The following PLCB1 variants were observed in gnomAD, a reference collection of about 807,000 sequenced individuals.
PLCB1 encodes phospholipase C beta 1, also known as 1-phosphatidylinositol 4,5-bisphosphate phosphodiesterase beta-1.
PLCB1 carries 46 observed loss-of-function variants against 161.8 expected under a neutral mutation model. That is an observed-to-expected ratio of 0.28 (90% confidence interval 0.22 to 0.36). The LOEUF (loss-of-function observed/expected upper bound fraction) is 0.36, where lower values mean the gene tolerates loss of function less well. Among genes scored for constraint, PLCB1 ranks in the 10% least tolerant of loss-of-function variants. The pLI is 1.00. For missense variants in PLCB1, 1,016 were observed against 1,472.5 expected (o/e 0.69, Z 5.07); for synonymous variants, 517 against 503.7 (o/e 1.03, Z -0.35).
At chr20:8,393,751 T>A (rs1987679546) in intron 3 of PLCB1, among the ~76,000 whole-genome samples, 1 of 152,064 alleles carries the variant, frequency 6.6e-6, no homozygotes, top group African/African-American at 2.4e-5. Context: ...TAACTATGGG[T>A]CTCTTGGTCA....
At chr20:8,586,353 A>G (rs1232604820) in intron 3 of PLCB1, among the ~76,000 whole-genome samples, 1 of 123,252 alleles carries the variant, frequency 8.1e-6, no homozygotes, top group Non-Finnish European at 1.6e-5. Flanking sequence ...TTTATTTATT[A>G]TGGTTTTTTT....
chr20:8,637,685 C>T (rs1458838890), intron 4 of PLCB1, among the ~76,000 whole-genome samples: 1 of 152,130 alleles, frequency 6.6e-6, no homozygotes, highest in African/African-American at 2.4e-5. Flanking sequence ...TAGGAATGTT[C>T]CCTTCGGAAA....
intron 3 of PLCB1, among the ~76,000 whole-genome samples, chr20:8,484,144 G>A (rs1179747770): frequency 6.6e-6 from 1 of 152,172 alleles, no homozygotes; most frequent in African/African-American, 2.4e-5. Flanking sequence ...TTCTGCCTCA[G>A]CCTCCCGAGT....
chr20:8,585,225 G>A (rs900255844), intron 3 of PLCB1, among the ~76,000 whole-genome samples: 1 of 152,118 alleles, frequency 6.6e-6, no homozygotes, highest in Non-Finnish European at 1.5e-5. Flanking sequence ...TGCTGAACTA[G>A]GTCTTTTCAG....
intron 24 of PLCB1, among the ~76,000 whole-genome samples, chr20:8,757,822 A>T (rs541907830): frequency 6.6e-6 from 1 of 152,082 alleles, no homozygotes; most frequent in East Asian, 1.9e-4. Flanking sequence ...CCTATATTAC[A>T]GCCAAAGCCA....
rs145047916 is a variant in PLCB1, at chr20:8,657,135, C to A, written c.595-49C>A. On this transcript the variant is annotated intron_variant, in intron 7 of 31. Transcript: ENST00000338037. ...AGAGAAAAAACAGGGAGGGAGGAAGCTGGGGAAGGAAAAAGACCATTTGCT... is the reference window on the plus strand; with the variant it reads ...AGAGAAAAAACAGGGAGGGAGGAAGATGGGGAAGGAAAAAGACCATTTGCT... The A allele has an allele frequency of 1.5e-3, 1,489 of 1,009,332 alleles. 10 individuals are homozygous for A. In the African/African-American group the frequency reaches 0.021, roughly 15 times the overall value. 62.5% of individuals were successfully genotyped at this position (1,009,332 alleles called of 1,614,324 possible). A position where few individuals can be genotyped will look rare whatever the true frequency, so the allele number is the denominator to read the frequency against.
intron 31 of PLCB1, among the ~76,000 whole-genome samples, chr20:8,851,045 A>C (rs1986868930): frequency 6.6e-6 from 1 of 152,220 alleles, no homozygotes. Context: ...GTTGAACAGG[A>C]TGCCAACTTT....
chr20:8,346,028 G>A (rs904013919), intron 2 of PLCB1, among the ~76,000 whole-genome samples: 9 of 152,148 alleles, frequency 5.9e-5, no homozygotes, highest in African/African-American at 2.2e-4. Flanking sequence ...TGTGTTTTAC[G>A]TTAGGTCTTG....
At chr20:8,454,607 G>A (rs1981216226) in intron 3 of PLCB1, among the ~76,000 whole-genome samples, 4 of 152,266 alleles carry the variant, frequency 2.6e-5, no homozygotes, top group Middle Eastern at 6.8e-3. Flanking sequence ...ATTGGGCTGA[G>A]CATCCGAGTG....
chr20:8,419,370 A>G (rs1048344628), intron 3 of PLCB1, among the ~76,000 whole-genome samples: 1 of 152,204 alleles, frequency 6.6e-6, no homozygotes, highest in Non-Finnish European at 1.5e-5. Flanking sequence ...ACAGCATCCA[A>G]AAATGTTAAT....
chr20:8,441,477 ACAAAGTAAGAAATCTGATCGTTGTAATTC>A (rs1429366908), intron 3 of PLCB1, among the ~76,000 whole-genome samples: 1 of 152,256 alleles, frequency 6.6e-6, no homozygotes, highest in African/African-American at 2.4e-5. Flanking sequence ...TAATCTGATC[ACAAAGTAAGAAATCTGATCGTTGTAATTC>A]CAATTTATAT....
At position 8,882,592 on chromosome 20, in the gene PLCB1, T is replaced by C. The variant is rs886056971; in HGVS notation, c.*743T>C. 3 of 152,728 alleles carry C rather than the reference T, an allele frequency of 2.0e-5. No individual in the cohort carries two copies. The South Asian group carries it at 6.2e-4, about 32-fold the overall frequency. The allele number at this position is 152,728 out of a possible 1,614,324, so 9.5% of individuals were successfully genotyped here. A position where few individuals can be genotyped will look rare whatever the true frequency, so the allele number is the denominator to read the frequency against. On this transcript the variant is annotated 3_prime_UTR_variant, in exon 32 of 32. Transcript: ENST00000338037. ...GCACACTTCCAGACAGTGTGCTGTT[T>C]GAATTGACTATTTGCACTCAAAGTC...
chr20:8,509,673 G>T (rs896251856), intron 3 of PLCB1, among the ~76,000 whole-genome samples: 4 of 151,876 alleles, frequency 2.6e-5, no homozygotes, highest in Non-Finnish European at 5.9e-5. Flanking sequence ...AGATAGATAG[G>T]TAGATAGATG....
At chr20:8,480,025 G>A (rs895603102) in intron 3 of PLCB1, among the ~76,000 whole-genome samples, 4 of 152,108 alleles carry the variant, frequency 2.6e-5, no homozygotes, top group Non-Finnish European at 5.9e-5. Context: ...CTCAGTAGTG[G>A]GACAGTAGCT....
chr20:8,807,746 G>A (rs1411817288), intron 31 of PLCB1, among the ~76,000 whole-genome samples: 1 of 152,032 alleles, frequency 6.6e-6, no homozygotes, highest in Non-Finnish European at 1.5e-5. Context: ...AGTGTCCAGG[G>A]CAGTAGCAAC....
chr20:8,847,963 C>T (rs1186905933), intron 31 of PLCB1, among the ~76,000 whole-genome samples: 3 of 152,234 alleles, frequency 2.0e-5, no homozygotes, highest in South Asian at 4.1e-4. Context: ...CCAGCAGGTT[C>T]GGTTGTCTGG....
At chr20:8,728,188 T>G (rs1980043200) in intron 17 of PLCB1, among the ~76,000 whole-genome samples, 1 of 152,108 alleles carries the variant, frequency 6.6e-6, no homozygotes. Flanking sequence ...TCCTATGACA[T>G]AGAAATTGTT....
At chr20:8,186,645 A>G (rs1027988745) in intron 2 of PLCB1, among the ~76,000 whole-genome samples, 1 of 152,176 alleles carries the variant, frequency 6.6e-6, no homozygotes, top group African/African-American at 2.4e-5. Flanking sequence ...TTTGCCTGTG[A>G]TAAGTCCAGA....
intron 3 of PLCB1, among the ~76,000 whole-genome samples, chr20:8,405,091 A>G (rs1600378806): frequency 6.6e-6 from 1 of 152,156 alleles, no homozygotes; most frequent in African/African-American, 2.4e-5. Context: ...CCTTCCCAAA[A>G]CCCAGTGACA....
Sources: allele counts gnomAD v4.1 joint callset (sites outside exome capture counted in the v4.1 genomes callset), GRCh38; gene constraint gnomAD v4.1.1; transcripts MANE v1.5; gene names NCBI Gene and HGNC (gene_info 2026-07-23, HGNC 2026-07-21).